The following DCC variants were observed in gnomAD, a reference collection of about 807,000 sequenced individuals.
DCC encodes the protein DCC netrin 1 receptor.
DCC carries 58 observed loss-of-function variants against 172.5 expected under a neutral mutation model. That is an observed-to-expected ratio of 0.34 (90% CI 0.27 to 0.42). DCC has a LOEUF of 0.42. Ranked by LOEUF, DCC falls within the 10% of genes least tolerant of loss-of-function variation. The pLI is 1.00. For missense variants in DCC, 1,740 were observed against 1,791.0 expected, an observed-to-expected ratio of 0.97 and a Z score of 0.51; for synonymous variants, 709 against 644.5, an observed-to-expected ratio of 1.10 and a Z score of -1.52.
At chr18:53,402,703 G>A (rs1909386025) in intron 18 of DCC, 83 bp from the exon 19 acceptor site, 4 of 995,274 alleles carry the variant, frequency 4.0e-6, no homozygotes, top group Non-Finnish European at 6.5e-6. Flanking sequence ...GATTCTGAAT[G>A]TCAACATCAT....
At chr18:53,232,794 G>A (rs867813886) in intron 12 of DCC, among the ~76,000 whole-genome samples, 6 of 151,930 alleles carry the variant, frequency 3.9e-5, no homozygotes, top group South Asian at 2.1e-4. Flanking sequence ...TCTTCTCCTC[G>A]AAGCGACTTT....
At chr18:53,382,069 A>AACAC (rs61553123) in intron 15 of DCC, among the ~76,000 whole-genome samples, 6,812 of 122,770 alleles carry the variant, frequency 0.055, 151 homozygotes, top group East Asian at 0.1. Context: ...GATTAAAAAC[A>AACAC]ACACACACAC....
intron 9 of DCC, among the ~76,000 whole-genome samples, chr18:53,203,830 G>T (rs1261862148): frequency 3.9e-5 from 6 of 152,172 alleles, no homozygotes; most frequent in Admixed American, 3.9e-4. Flanking sequence ...TGGAATGGTG[G>T]TATCATTTGT....
chr18:52,895,122 G>C (rs1214641000), intron 2 of DCC, among the ~76,000 whole-genome samples: 2 of 152,180 alleles, frequency 1.3e-5, no homozygotes, highest in Admixed American at 6.5e-5. Flanking sequence ...ATGAAAAACA[G>C]AAGATCATAC....
intron 13 of DCC, among the ~76,000 whole-genome samples, chr18:53,312,370 GAAAAA>G (rs2057285303): frequency 8.5e-6 from 1 of 118,196 alleles, no homozygotes; most frequent in Non-Finnish European, 1.8e-5. Context: ...AAAAGAAAAA[GAAAAA>G]GATAAAGATT....
intron 5 of DCC, among the ~76,000 whole-genome samples, chr18:53,010,296 T>C (rs2041708819): frequency 6.6e-6 from 1 of 151,918 alleles, no homozygotes; most frequent in African/African-American, 2.4e-5. Flanking sequence ...TAATCTAAAA[T>C]TGCTTTGGCT....
chr18:53,388,295 C>A (rs1206784216), intron 16 of DCC, among the ~76,000 whole-genome samples: 1 of 151,950 alleles, frequency 6.6e-6, no homozygotes, highest in Non-Finnish European at 1.5e-5. Flanking sequence ...GAACAAAGAA[C>A]AAATAAATGA....
chr18:53,403,073 TGC>T (rs1010726674), intron 19 of DCC, among the ~76,000 whole-genome samples, 180 bp downstream of exon 19: 6 of 99,062 alleles, frequency 6.1e-5, no homozygotes, highest in African/African-American at 1.1e-4. Flanking sequence ...CTTCTAATGG[TGC>T]ACACACACAC....
chr18:52,655,998 GTGCGTATATATATA>G (rs1160726237), intron 1 of DCC, among the ~76,000 whole-genome samples: 1 of 143,050 alleles, frequency 7.0e-6, no homozygotes, highest in Non-Finnish European at 1.5e-5. Flanking sequence ...ATATATATAT[GTGCGTATATATATA>G]TGTGTGTATA....
intron 5 of DCC, among the ~76,000 whole-genome samples, chr18:52,968,581 G>GA (rs1480234804): frequency 6.6e-6 from 1 of 152,004 alleles, no homozygotes; most frequent in African/African-American, 2.4e-5. Context: ...CAGACCTCAA[G>GA]ATAATGTTTG....
intron 5 of DCC, among the ~76,000 whole-genome samples, chr18:53,051,960 C>T (rs1453763227): frequency 6.6e-6 from 1 of 151,980 alleles, no homozygotes; most frequent in Non-Finnish European, 1.5e-5. Flanking sequence ...ATCAGGAATG[C>T]CAGTTATTTT....
chr18:52,730,849 C>A (rs139846360), intron 1 of DCC, among the ~76,000 whole-genome samples: 1 of 152,120 alleles, frequency 6.6e-6, no homozygotes. Context: ...AATCAGATAA[C>A]GCAATAATGC....
intron 1 of DCC, among the ~76,000 whole-genome samples, chr18:52,467,062 A>ATG (rs1988807776): frequency 1.3e-5 from 2 of 151,344 alleles, no homozygotes; most frequent in South Asian, 2.1e-4. Flanking sequence ...AAATATATAT[A>ATG]TATATTTTAA....
At chr18:52,920,278 C>G (rs968238271) in intron 3 of DCC, among the ~76,000 whole-genome samples, 4 of 151,430 alleles carry the variant, frequency 2.6e-5, no homozygotes, top group African/African-American at 9.7e-5. Context: ...AAAAAACAAC[C>G]CACAGATTGA....
intron 1 of DCC, among the ~76,000 whole-genome samples, chr18:52,573,507 C>T (rs967539977): frequency 1.4e-4 from 21 of 152,314 alleles, no homozygotes; most frequent in Non-Finnish European, 2.6e-4. Context: ...ACTTTCCTTA[C>T]CAGATGGCCT....
intron 12 of DCC, among the ~76,000 whole-genome samples, chr18:53,250,400 G>T (rs1305662012): frequency 6.6e-6 from 1 of 151,838 alleles, no homozygotes; most frequent in Non-Finnish European, 1.5e-5. Context: ...TGGGGTTGCA[G>T]CTCTACTGTA....
rs541152378 is a variant in DCC, at chr18:52,496,357, G to T, written c.91+155479G>T. 3.3e-5 allele frequency among the ~76,000 whole-genome samples: 5 copies of T among 152,266 alleles called. No individual in the cohort carries two copies. In the East Asian group the frequency reaches 9.6e-4, roughly 29 times the overall value. ...TAATAACCATGAGCATCGGGACAATGTAGAAATATGAAACATGTTTTCCCA... is the reference window on the plus strand; with the variant it reads ...TAATAACCATGAGCATCGGGACAATTTAGAAATATGAAACATGTTTTCCCA... On this transcript the variant is annotated intron_variant, in intron 1 of 28. Transcript: ENST00000442544.
chr18:53,026,731 CTT>C (rs1269529495), intron 5 of DCC, among the ~76,000 whole-genome samples: 1 of 151,832 alleles, frequency 6.6e-6, no homozygotes, highest in Admixed American at 6.6e-5. Flanking sequence ...AAAATTTTTA[CTT>C]TTATTTTTTT....
rs527710655 is a variant in DCC at position 53,387,974 on chromosome 18, C to T, written c.2455+1836C>T. On this transcript the variant is annotated intron_variant, in intron 16 of 28. Coordinates refer to ENST00000442544, the MANE Select transcript of DCC (RefSeq NM_005215.4). ...TGAAAGTAAGTTGTTCAGAAAGAAC[C>T]ACTGGAGTCATTATCAGCTTCATTC... 5.3e-5 allele frequency among the ~76,000 whole-genome samples: 8 copies of T among 152,296 alleles called. No homozygotes were observed. The South Asian group carries it at 1.5e-3, about 28-fold the overall frequency.
Sources: allele counts gnomAD v4.1 joint callset (sites outside exome capture counted in the v4.1 genomes callset), GRCh38; gene constraint gnomAD v4.1.1; transcripts MANE v1.5; gene names NCBI Gene and HGNC (gene_info 2026-07-23, HGNC 2026-07-21).